Variants in ARHGAP32 observed in about 807,000 individuals in gnomAD.
ARHGAP32 encodes the protein Rho GTPase activating protein 32, also known as rho GTPase-activating protein 32.
A neutral mutation model predicts 186.5 loss-of-function variants in ARHGAP32; 51 were observed. The observed-to-expected ratio is 0.27, with a 90% CI of 0.22 to 0.35. The LOEUF (loss-of-function observed/expected upper bound fraction) is 0.35, where lower values mean the gene tolerates loss of function less well. ARHGAP32 is among the 10% of genes least tolerant of loss of function. The pLI is 1.00. For synonymous variants in ARHGAP32, 950 were observed against 964.3 expected (o/e 0.99, Z 0.27); for missense variants, 2,186 against 2,623.5 (o/e 0.83, Z 3.64).
At chr11:128,983,688 CA>C (rs1383112114) in intron 15 of ARHGAP32, among the ~76,000 whole-genome samples, 49 of 137,246 alleles carry the variant, frequency 3.6e-4, no homozygotes, top group South Asian at 9.4e-4. Context: ...GCTCCTCAGC[CA>C]AAAAAAAAAG....
At chr11:129,160,658 G>A (rs1943510667) in intron 2 of ARHGAP32, among the ~76,000 whole-genome samples, 1 of 152,076 alleles carries the variant, frequency 6.6e-6, no homozygotes. Context: ...AAATAAGAGA[G>A]GACACAAACA....
intron 1 of ARHGAP32, among the ~76,000 whole-genome samples, chr11:129,191,663 C>A (rs1008593214): frequency 4.8e-5 from 4 of 83,796 alleles, no homozygotes; most frequent in Non-Finnish European, 1.2e-4. Flanking sequence ...GGCAGGCAGG[C>A]AGGCACGCAC....
chr11:129,272,421 G>T (rs1315797286), intron 1 of ARHGAP32, among the ~76,000 whole-genome samples: 6 of 152,142 alleles, frequency 3.9e-5, no homozygotes, highest in African/African-American at 1.4e-4. Flanking sequence ...CTGCAAAAGG[G>T]GATAAAGAGA....
chr11:129,101,541 A>G (rs1228706102), intron 5 of ARHGAP32, among the ~76,000 whole-genome samples: 1 of 152,228 alleles, frequency 6.6e-6, no homozygotes, highest in Non-Finnish European at 1.5e-5. Context: ...AACACACTAC[A>G]AGAAGTTTAT....
intron 1 of ARHGAP32, among the ~76,000 whole-genome samples, chr11:129,253,035 T>G (rs1945207282): frequency 6.6e-6 from 1 of 152,022 alleles, no homozygotes; most frequent in Admixed American, 6.6e-5. Context: ...AGAGAGAATA[T>G]CTTTCACAAC....
intron 1 of ARHGAP32, among the ~76,000 whole-genome samples, chr11:129,201,980 CTCTGTCTG>C (rs552695518): frequency 3.3e-5 from 5 of 151,836 alleles, no homozygotes; most frequent in African/African-American, 1.2e-4. Context: ...AAGAGCCTGT[CTCTGTCTG>C]TCTGTCTGTC....
In ARHGAP32 at chr11:128,968,619, C is replaced by G; in HGVS notation, c.*288G>C. 7.7e-6 allele frequency: 2 copies of G among 260,248 alleles called. No individual in the cohort carries two copies. The highest frequency in any genetic ancestry group is 1.4e-5 in the Non-Finnish European group (2 of 139,468). The allele number at this position is 260,248 out of a possible 1,614,324, so 16.1% of individuals were successfully genotyped here. A position where few individuals can be genotyped will look rare whatever the true frequency, so the allele number is the denominator to read the frequency against. On this transcript the variant is annotated 3_prime_UTR_variant, in exon 23 of 23. Transcript: ENST00000682385. ...GTCCTCAGGCTCTTTCAAGCTAGCC[C>G]TAGATGGCAAGTGTGTCCTGAGACA... is the stretch of plus-strand genomic sequence containing the variant.
Position 129,066,785 on chromosome 11 carries a change from T to A in ARHGAP32, c.615A>T (p.Arg205Ser). The A allele has an allele frequency of 1.2e-6, 2 of 1,612,456 alleles. No homozygotes were observed. Among genetic ancestry groups the A allele is most frequent in the Non-Finnish European group, 1.7e-6 (2 of 1,178,974 alleles). The change falls in exon 7 of 23, where the codon AGA becomes AGT. Residue 205 changes from arginine (R) to serine (S), a missense_variant. Arg to Ser is a moderately radical substitution (Grantham distance 110). This residue lies in a region of ARHGAP32 where 308 missense variants were observed against 596.5 expected (regional missense o/e 0.52). Transcript: ENST00000682385. ...KHLHLCIYDR[R>S]FSQLSELPRS... is the part of the protein sequence containing the mutation. ...GGGGAAGTTCTGAGAGCTGGGAAAA[T>A]CTTCGGTCATAAATACACAGATGAA... is the stretch of plus-strand genomic sequence containing the variant.
At chr11:129,109,326 CAT>C (rs1269805445) in intron 5 of ARHGAP32, among the ~76,000 whole-genome samples, 2 of 151,838 alleles carry the variant, frequency 1.3e-5, no homozygotes, top group Non-Finnish European at 2.9e-5. Flanking sequence ...GGGTTGATTC[CAT>C]ATCTTTGTTA....
In ARHGAP32 at chr11:129,125,563, T is replaced by A. The variant is rs147140289; in HGVS notation, c.226-669A>T. Among the ~76,000 whole-genome samples, 6 of 152,230 alleles carry A rather than the reference T, an allele frequency of 3.9e-5. No homozygotes were observed. In the East Asian group the frequency reaches 1.2e-3, roughly 29 times the overall value. On this transcript the variant is annotated intron_variant, in intron 2 of 22. Coordinates refer to ENST00000682385, the MANE Select transcript of ARHGAP32 (RefSeq NM_001378024.1). ...TTGAATTATGATAGCCCATGCCACA[T>A]GATTCAATAGGGGCGAATAATGTGA...
chr11:129,026,801 G>GAA (rs71057920), intron 11 of ARHGAP32, among the ~76,000 whole-genome samples: 26,801 of 109,108 alleles, frequency 0.25, 3,907 homozygotes, highest in Middle Eastern at 0.38. Context: ...CTCCATCTTG[G>GAA]AAAAAAAAAA....
In ARHGAP32 at chr11:128,969,542, G is replaced by A. The variant is rs35441535; in HGVS notation, c.5671C>T (p.His1891Tyr). The change falls in exon 23 of 23, where the codon CAC (histidine) becomes TAC (tyrosine). Residue 1891 changes from histidine (H) to tyrosine (Y), a missense_variant. Coordinates refer to ENST00000682385, the MANE Select transcript of ARHGAP32 (RefSeq NM_001378024.1). The surrounding 1 kb of genome is among the most constrained non-coding windows in gnomAD (Gnocchi z 4.8). Reference protein sequence around the residue: ...LPDMGCSLPEHRAHQEASHRQ... With the variant: ...LPDMGCSLPEYRAHQEASHRQ... ...TGGCTTGCTTCTTGGTGTGCCCTGT[G>A]CTCAGGAAGACTGCAGCCCATGTCA... is the stretch of plus-strand genomic sequence containing the variant. 1.5e-5 allele frequency: 25 copies of A among 1,614,032 alleles called. No individual in the cohort carries two copies. The highest frequency in any genetic ancestry group is 1.6e-4 in the Middle Eastern group (1 of 6,084).
chr11:129,078,319 C>T (rs1431041260), intron 6 of ARHGAP32, among the ~76,000 whole-genome samples: 1 of 152,170 alleles, frequency 6.6e-6, no homozygotes, highest in East Asian at 1.9e-4. Flanking sequence ...GACCTTGAAG[C>T]CAAGATCTTT....
intron 5 of ARHGAP32, among the ~76,000 whole-genome samples, chr11:129,118,754 G>A (rs1439956925): frequency 6.6e-6 from 1 of 151,966 alleles, no homozygotes; most frequent in Non-Finnish European, 1.5e-5. Flanking sequence ...TTATTTAAAA[G>A]GGGTGGAGAA....
intron 7 of ARHGAP32, 142 bp from the exon 8 acceptor site, chr11:129,065,075 C>T: frequency 3.2e-6 from 2 of 625,914 alleles, no homozygotes; most frequent in Non-Finnish European, 5.6e-6. Flanking sequence ...AGAAACTTAC[C>T]AGTAGCACTA....
intron 10 of ARHGAP32, among the ~76,000 whole-genome samples, chr11:129,056,907 G>A (rs1940274420): frequency 6.6e-6 from 1 of 152,172 alleles, no homozygotes; most frequent in Non-Finnish European, 1.5e-5. Flanking sequence ...TCCTGAGAGA[G>A]GCCTGCACTA....
chr11:128,981,348 G>A, intron 17 of ARHGAP32, 68 bp downstream of exon 17: 1 of 1,483,896 alleles, frequency 6.7e-7, no homozygotes, highest in South Asian at 1.4e-5. Flanking sequence ...AATAAGAAAT[G>A]CATGGTTTGC....
Position 128,985,996 on chromosome 11 carries a change from G to A in ARHGAP32, c.1526+7C>T. ...CCTCTGCCTGGTATTTACCCACTGT[G>A]GCTGACCTGTAGTGTGGTGGGGGGA... is the stretch of plus-strand genomic sequence containing the variant. On this transcript the variant is annotated splice_region_variant and intron_variant, in intron 15 of 22. Transcript: ENST00000682385. The A allele has an allele frequency of 6.2e-7, 1 of 1,601,922 alleles. No homozygotes were observed. Among genetic ancestry groups the A allele is most frequent in the Non-Finnish European group, 8.5e-7 (1 of 1,175,952 alleles).
At chr11:129,237,116 G>A (rs948273607) in intron 1 of ARHGAP32, among the ~76,000 whole-genome samples, 2 of 152,112 alleles carry the variant, frequency 1.3e-5, no homozygotes, top group African/African-American at 2.4e-5. Flanking sequence ...GATCATGGTA[G>A]ATTATCTTTT....
Sources: gnomAD v4.1 joint callset for allele counts (sites outside exome capture counted in the v4.1 genomes callset) on GRCh38, gnomAD v4.1.1 for gene constraint, gnomAD v4.1.1 regional missense constraint, Gnocchi (gnomAD v3.1) non-coding constraint, MANE v1.5 for transcripts, NCBI Gene and HGNC (gene_info 2026-07-23, HGNC 2026-07-21) for gene names.